NRG1: variants seen among roughly 807,000 people sequenced by gnomAD.
NRG1 encodes the protein neuregulin 1.
Under a neutral mutation model 63.8 loss-of-function variants are expected in NRG1, and 18 were observed. The observed-to-expected ratio is 0.28, with a 90% CI of 0.19 to 0.42. NRG1 has a LOEUF of 0.42. Ranked by LOEUF, NRG1 falls within the 10% of genes least tolerant of loss-of-function variation. NRG1 has a pLI of 1.00. For synonymous variants in NRG1, 302 were observed against 301.3 expected, an observed-to-expected ratio of 1.00 and a Z score of -0.02; for missense variants, 762 against 814.7, an observed-to-expected ratio of 0.94 and a Z score of 0.79.
chr8:32,590,694 A>G (rs966986879), intron 1 of NRG1, among the ~76,000 whole-genome samples: 1 of 152,200 alleles, frequency 6.6e-6, no homozygotes, highest in African/African-American at 2.4e-5. Context: ...TCATGTGAGT[A>G]AACCATATGC....
At chr8:31,680,850 A>G (rs941124357) in intron 1 of NRG1, among the ~76,000 whole-genome samples, 6 of 152,160 alleles carry the variant, frequency 3.9e-5, no homozygotes, top group African/African-American at 1.2e-4. Context: ...CTTTTTACTC[A>G]CCATGGACCA....
At chr8:32,752,897 A>C (rs922806015) in intron 7 of NRG1, among the ~76,000 whole-genome samples, 2 of 152,174 alleles carry the variant, frequency 1.3e-5, no homozygotes, top group Non-Finnish European at 2.9e-5. Flanking sequence ...GTTTACTGGA[A>C]TTTGATTATC....
chr8:31,971,699 A>T (rs1807304697), intron 1 of NRG1, among the ~76,000 whole-genome samples: 1 of 152,146 alleles, frequency 6.6e-6, no homozygotes, highest in East Asian at 1.9e-4. Context: ...AAAGAAAAAA[A>T]CTGATTAAAT....
At chr8:32,304,329 T>C (rs191331204) in intron 1 of NRG1, among the ~76,000 whole-genome samples, 51 of 152,360 alleles carry the variant, frequency 3.3e-4, no homozygotes, top group Admixed American at 7.8e-4. Context: ...GATATGTATC[T>C]GCAAAGGCAA....
At chr8:32,713,498 A>G (rs1818328838) in intron 5 of NRG1, among the ~76,000 whole-genome samples, 1 of 151,822 alleles carries the variant, frequency 6.6e-6, no homozygotes, top group African/African-American at 2.4e-5. Flanking sequence ...AAATCCTAAG[A>G]AATGTTGAAT....
At chr8:32,210,525 C>T (rs1844590615) in intron 1 of NRG1, among the ~76,000 whole-genome samples, 1 of 152,314 alleles carries the variant, frequency 6.6e-6, no homozygotes, top group African/African-American at 2.4e-5. Context: ...GTGACCTTCC[C>T]TTATCCTCTG....
At chr8:32,090,391 G>A (rs1354444794) in intron 1 of NRG1, among the ~76,000 whole-genome samples, 4 of 152,082 alleles carry the variant, frequency 2.6e-5, no homozygotes, top group Non-Finnish European at 5.9e-5. Context: ...TGCGACGTTG[G>A]CCCCCTGCAG....
intron 1 of NRG1, among the ~76,000 whole-genome samples, chr8:32,111,974 A>C (rs908580680): frequency 6.6e-6 from 1 of 152,198 alleles, no homozygotes; most frequent in Non-Finnish European, 1.5e-5. Context: ...GCCAGAAATC[A>C]TGAAGAAATG....
chr8:32,037,034 A>T (rs542206419), intron 1 of NRG1, among the ~76,000 whole-genome samples: 2 of 152,184 alleles, frequency 1.3e-5, no homozygotes, highest in African/African-American at 4.8e-5. Context: ...TGAGTTTTCA[A>T]TGTTTTTGCA....
intron 1 of NRG1, among the ~76,000 whole-genome samples, chr8:32,365,366 CT>C (rs916926344): frequency 2.0e-5 from 3 of 151,262 alleles, no homozygotes; most frequent in South Asian, 2.1e-4. Flanking sequence ...CTTTATTTGG[CT>C]TTTTTTTGGA....
At chr8:31,672,997 G>A (rs1807314270) in intron 1 of NRG1, among the ~76,000 whole-genome samples, 1 of 150,936 alleles carries the variant, frequency 6.6e-6, no homozygotes, top group African/African-American at 2.4e-5. Context: ...GGAGATCTTG[G>A]AAAATAATAT....
intron 1 of NRG1, among the ~76,000 whole-genome samples, chr8:32,419,816 G>A (rs983095244): frequency 1.3e-5 from 2 of 152,112 alleles, no homozygotes; most frequent in Non-Finnish European, 2.9e-5. Context: ...CATAACACAA[G>A]TACATCTTCT....
intron 9 of NRG1, among the ~76,000 whole-genome samples, chr8:32,757,548 TA>T (rs767128904): frequency 2.0e-5 from 3 of 152,334 alleles, no homozygotes; most frequent in East Asian, 3.9e-4. Flanking sequence ...GCAAGGTGCT[TA>T]TAGGTTAACA....
intron 1 of NRG1, among the ~76,000 whole-genome samples, chr8:32,251,214 C>T (rs527656194): frequency 1.4e-4 from 22 of 152,172 alleles, no homozygotes; most frequent in African/African-American, 2.2e-4. Flanking sequence ...CCGCTCCCCC[C>T]ACCCCACAAC....
At chr8:32,087,348 C>T (rs1175207692) in intron 1 of NRG1, among the ~76,000 whole-genome samples, 2 of 152,058 alleles carry the variant, frequency 1.3e-5, no homozygotes, top group Admixed American at 6.6e-5. Context: ...TTGCCTTCCA[C>T]CATGATTATG....
At chr8:32,309,247 C>A (rs1202245198) in intron 1 of NRG1, among the ~76,000 whole-genome samples, 3 of 152,124 alleles carry the variant, frequency 2.0e-5, no homozygotes, top group Admixed American at 6.5e-5. Context: ...AGACTTGGAA[C>A]TGGAGGCTAC....
chr8:32,223,368 A>C (rs1368413868), intron 1 of NRG1, among the ~76,000 whole-genome samples: 1 of 152,138 alleles, frequency 6.6e-6, no homozygotes, highest in Non-Finnish European at 1.5e-5. Context: ...AATTAGGTTT[A>C]AATCTTGCAA....
chr8:32,664,728 G>A (rs1803711305), intron 5 of NRG1, among the ~76,000 whole-genome samples: 1 of 152,148 alleles, frequency 6.6e-6, no homozygotes, highest in Non-Finnish European at 1.5e-5. Flanking sequence ...GGAAGACTAT[G>A]AGGAAGGAAT....
intron 5 of NRG1, among the ~76,000 whole-genome samples, chr8:32,621,144 TA>T (rs1246972046): frequency 7.2e-5 from 11 of 152,188 alleles, no homozygotes; most frequent in Non-Finnish European, 1.6e-4. Flanking sequence ...CAATTTTTAC[TA>T]CTCAATTTTT....
Sources: gnomAD v4.1 joint callset for allele counts (sites outside exome capture counted in the v4.1 genomes callset) on GRCh38, gnomAD v4.1.1 for gene constraint, MANE v1.5 for transcripts, NCBI Gene and HGNC (gene_info 2026-07-23, HGNC 2026-07-21) for gene names.